C1orf21: variants seen among roughly 807,000 people sequenced by gnomAD.
The protein encoded by C1orf21 is chromosome 1 open reading frame 21.
C1orf21 carries 3 observed loss-of-function variants against 18.7 expected under a neutral mutation model. That is an observed-to-expected ratio of 0.16 (90% confidence interval 0.07 to 0.42). The LOEUF (loss-of-function observed/expected upper bound fraction) is 0.42, where lower values mean the gene tolerates loss of function less well. Ranked by LOEUF, C1orf21 falls within the 10% of genes least tolerant of loss-of-function variation. C1orf21 has a pLI of 0.99. For missense variants in C1orf21, 104 were observed against 143.6 expected (o/e 0.72, Z 1.41); for synonymous variants, 41 against 46.4 (o/e 0.88, Z 0.47).
chr1:184,411,606 T>C (rs944440066), intron 1 of C1orf21, among the ~76,000 whole-genome samples: 4 of 152,070 alleles, frequency 2.6e-5, no homozygotes, highest in African/African-American at 9.7e-5. Context: ...GTATTTTTAA[T>C]AGAGACAGGG....
At chr1:184,560,901 A>G (rs1312213485) in intron 3 of C1orf21, among the ~76,000 whole-genome samples, 2 of 152,212 alleles carry the variant, frequency 1.3e-5, no homozygotes, top group African/African-American at 2.4e-5. Flanking sequence ...TAATGAATCA[A>G]TAGGAATTAT....
rs1660055523 is a variant in C1orf21 at position 184,628,609 on chromosome 1, A to G, written c.*9053A>G. 6.6e-6 allele frequency: 1 copy of G among 152,638 alleles called. No homozygotes were observed. 9.5% of individuals were successfully genotyped at this position (152,638 alleles called of 1,614,324 possible). ...GAAAGAAAACTCACTCACAAACAAC[A>G]TAAATGTAAATAATTCAAAACCCTA... On this transcript the variant is annotated 3_prime_UTR_variant, in exon 6 of 6. Transcript: ENST00000235307.
chr1:184,571,266 C>A (rs1659107370), intron 3 of C1orf21, among the ~76,000 whole-genome samples: 1 of 136,504 alleles, frequency 7.3e-6, no homozygotes, highest in African/African-American at 2.8e-5. Flanking sequence ...CACTGCACTC[C>A]AGCCTGGGCG....
chr1:184,504,952 T>C (rs1658031816), intron 2 of C1orf21, among the ~76,000 whole-genome samples: 1 of 152,216 alleles, frequency 6.6e-6, no homozygotes. Context: ...AGAATAATGC[T>C]GCTTTGAAAG....
intron 3 of C1orf21, among the ~76,000 whole-genome samples, chr1:184,543,257 G>A (rs1228322373): frequency 6.6e-6 from 1 of 152,116 alleles, no homozygotes; most frequent in Non-Finnish European, 1.5e-5. Context: ...GGCTGAGGTG[G>A]GAGGATCACT....
At chr1:184,392,981 A>G (rs919903273) in intron 1 of C1orf21, among the ~76,000 whole-genome samples, 1 of 151,824 alleles carries the variant, frequency 6.6e-6, no homozygotes. Context: ...GGTGCACACC[A>G]TACACCTGGA....
intron 2 of C1orf21, among the ~76,000 whole-genome samples, chr1:184,500,595 A>G (rs753955328): frequency 2.0e-5 from 3 of 152,136 alleles, no homozygotes; most frequent in South Asian, 4.1e-4. Flanking sequence ...TCACCCAGAG[A>G]GGTCTATACT....
intron 4 of C1orf21, among the ~76,000 whole-genome samples, chr1:184,592,968 G>A (rs1346430192): frequency 6.6e-6 from 1 of 152,124 alleles, no homozygotes; most frequent in Non-Finnish European, 1.5e-5. Flanking sequence ...TTGTGCTATG[G>A]CCGCAACCTC....
At chr1:184,445,910 A>G (rs998663859) in intron 1 of C1orf21, among the ~76,000 whole-genome samples, 53 of 152,196 alleles carry the variant, frequency 3.5e-4, no homozygotes, top group African/African-American at 1.3e-3. Flanking sequence ...TTGGCTAAAT[A>G]TTTCCCTTGC....
At chr1:184,412,576 A>G (rs961667052) in intron 1 of C1orf21, among the ~76,000 whole-genome samples, 1 of 152,210 alleles carries the variant, frequency 6.6e-6, no homozygotes, top group Non-Finnish European at 1.5e-5. Context: ...AACCATATGA[A>G]AACAAGAAAC....
intron 5 of C1orf21, among the ~76,000 whole-genome samples, chr1:184,616,350 G>A (rs774978981): frequency 1.7e-4 from 26 of 152,334 alleles, no homozygotes; most frequent in East Asian, 1.9e-4. Context: ...AGCTTCCCCC[G>A]CAAGCATTAG....
chr1:184,595,959 CA>C (rs1405002872), intron 4 of C1orf21, among the ~76,000 whole-genome samples: 1 of 152,196 alleles, frequency 6.6e-6, no homozygotes, highest in Non-Finnish European at 1.5e-5. Flanking sequence ...TGGGACAACA[CA>C]AAACTGAAAT....
intron 3 of C1orf21, among the ~76,000 whole-genome samples, chr1:184,509,189 A>G (rs1658109726): frequency 6.6e-6 from 1 of 152,118 alleles, no homozygotes. Context: ...CACCTTGTAT[A>G]GTTTGTGAGT....
At chr1:184,433,594 T>G (rs1390641128) in intron 1 of C1orf21, among the ~76,000 whole-genome samples, 1 of 152,186 alleles carries the variant, frequency 6.6e-6, no homozygotes, top group African/African-American at 2.4e-5. Context: ...GCAAGCCACA[T>G]ATGTAATTAA....
chr1:184,528,258 G>T (rs1658407253), intron 3 of C1orf21, among the ~76,000 whole-genome samples: 1 of 152,130 alleles, frequency 6.6e-6, no homozygotes, highest in South Asian at 2.1e-4. Flanking sequence ...TATAGCAGCT[G>T]CACCTTAAAA....
chr1:184,494,848 T>TG (rs201024262), intron 2 of C1orf21, among the ~76,000 whole-genome samples: 19 of 150,184 alleles, frequency 1.3e-4, no homozygotes, highest in East Asian at 7.8e-4. Flanking sequence ...GCTTTTGCTT[T>TG]TTTTTTTTTT....
intron 3 of C1orf21, among the ~76,000 whole-genome samples, chr1:184,519,303 C>A (rs1308259598): frequency 6.6e-6 from 1 of 152,132 alleles, no homozygotes; most frequent in East Asian, 1.9e-4. Flanking sequence ...TCTAGTTTAT[C>A]CCCTGAAACT....
intron 3 of C1orf21, among the ~76,000 whole-genome samples, chr1:184,509,248 T>C (rs1658110319): frequency 6.6e-6 from 1 of 152,242 alleles, no homozygotes; most frequent in African/African-American, 2.4e-5. Flanking sequence ...GTATAACTTT[T>C]TTCCTTCTCT....
chr1:184,563,789 A>C (rs1658997245), intron 3 of C1orf21, among the ~76,000 whole-genome samples: 1 of 152,214 alleles, frequency 6.6e-6, no homozygotes, highest in Non-Finnish European at 1.5e-5. Flanking sequence ...CCATCTAGGA[A>C]AGAAAATACA....
Sources: allele counts gnomAD v4.1 joint callset (sites outside exome capture counted in the v4.1 genomes callset), GRCh38; gene constraint gnomAD v4.1.1; transcripts MANE v1.5; gene names NCBI Gene and HGNC (gene_info 2026-07-23, HGNC 2026-07-21).